Variants in SNX19 observed in about 807,000 individuals in gnomAD.
The protein encoded by SNX19 is sorting nexin 19, also known as sorting nexin-19.
In SNX19, 60 loss-of-function variants were observed where a neutral mutation model predicts 85.2. The observed-to-expected ratio is 0.70, with a 90% CI of 0.57 to 0.87. SNX19 has a LOEUF of 0.87. SNX19 is among the 40% of genes least tolerant of loss of function. The probability of loss-of-function intolerance (pLI) is 0.00; values close to 1 mark genes in which losing one functional copy is unlikely to be tolerated. For synonymous variants in SNX19, 520 were observed against 470.0 expected (o/e 1.11, Z -1.38); for missense variants, 1,201 against 1,217.8 (o/e 0.99, Z 0.21).
At chr11:130,904,283 ATATTAT>A (rs2135384583) in intron 7 of SNX19, among the ~76,000 whole-genome samples, 1 of 152,316 alleles carries the variant, frequency 6.6e-6, no homozygotes, top group African/African-American at 2.4e-5. Flanking sequence ...GCTGTGATTA[ATATTAT>A]AAGTAATATC....
Position 130,872,384 on chromosome 11 carries a change from C to A in SNX19, c.*6038G>T, listed in dbSNP as rs1943059891. The stretch of plus-strand genomic sequence containing the variant: ...GCTTTACACACTGTTGCTACCAAGT[C>A]ACAGAAGGAAAAAGATTCTGATGAT... On this transcript the variant is annotated 3_prime_UTR_variant, in exon 11 of 11. Coordinates refer to ENST00000265909, the MANE Select transcript of SNX19 (RefSeq NM_014758.3). Among the ~76,000 whole-genome samples the A allele has an allele frequency of 6.6e-6, 1 of 152,114 alleles. No homozygotes were observed. The highest frequency in any genetic ancestry group is 1.5e-5 in the Non-Finnish European group (1 of 68,018).
rs1050078 is a variant in SNX19, at chr11:130,876,251, T to C, written c.*2171A>G. 0.33 allele frequency: 50,320 copies of C among 152,106 alleles called. 9,988 individuals are homozygous for C. Among genetic ancestry groups the C allele is most frequent in the Admixed American group, 0.45 (6,854 of 15,274 alleles). 9.4% of individuals were successfully genotyped at this position (152,106 alleles called of 1,614,324 possible). On this transcript the variant is annotated 3_prime_UTR_variant, in exon 11 of 11. Transcript: ENST00000265909. Reference sequence around the variant, plus strand: ...AGTATCTTTTCTACCTGTGGCTCTCTACCAATTGTTACTCTCTTGTTGTCT... The same window carrying C: ...AGTATCTTTTCTACCTGTGGCTCTCCACCAATTGTTACTCTCTTGTTGTCT...
chr11:130,903,165 G>T, intron 8 of SNX19, 90 bp downstream of exon 8: 3 of 1,549,280 alleles, frequency 1.9e-6, no homozygotes, highest in Admixed American at 1.8e-5. Flanking sequence ...CTTCTCTTAC[G>T]GCTGCAGATT....
rs1297427475 is a variant in SNX19 at position 130,911,621 on chromosome 11, G to T, written c.1813+12C>A. 6.2e-7 allele frequency: 1 copy of T among 1,613,974 alleles called. No individual in the cohort carries two copies. The highest frequency in any genetic ancestry group is 1.1e-5 in the South Asian group (1 of 91,046). On this transcript the variant is annotated intron_variant, in intron 2 of 10. Coordinates refer to ENST00000265909, the MANE Select transcript of SNX19 (RefSeq NM_014758.3). ...AAGCAAGCGGGCAGTAGGGGTTGGG[G>T]AAACTCCTGACTTTTGATGAACTTT...
At position 130,914,578 on chromosome 11, in the gene SNX19, C is replaced by T. The variant is rs772488805; in HGVS notation, c.1362G>A (p.Lys454=). The T allele has an allele frequency of 6.2e-7, 1 of 1,613,998 alleles. No individual in the cohort carries two copies. ...CPEIHIDTAD[K]EIEQGDVTAS... ...CGGTAACATCTCCTTGTTCTATCTC[C>T]TTGTCTGCTGTGTCAATATGGATCT... The change falls in exon 1 of 11, where the codon AAG becomes AAA. Residue 454 remains lysine (K), a synonymous_variant. Coordinates refer to ENST00000265909, the MANE Select transcript of SNX19 (RefSeq NM_014758.3).
chr11:130,884,217 T>C (rs958450157), intron 8 of SNX19, among the ~76,000 whole-genome samples: 1 of 152,178 alleles, frequency 6.6e-6, no homozygotes, highest in South Asian at 2.1e-4. Flanking sequence ...CCCCTAATCA[T>C]GCTTGATTTA....
chr11:130,890,599 A>T (rs7937782), intron 8 of SNX19, among the ~76,000 whole-genome samples: 90,928 of 151,942 alleles, frequency 0.6, 27,639 homozygotes, highest in South Asian at 0.73. Context: ...ATATATTCCT[A>T]ATCAATCATA....
At chr11:130,894,096 G>A (rs1471370007) in intron 8 of SNX19, among the ~76,000 whole-genome samples, 1 of 148,932 alleles carries the variant, frequency 6.7e-6, no homozygotes, top group Non-Finnish European at 1.5e-5. Flanking sequence ...TCCTAACATC[G>A]GGGCTATTCA....
rs185363223 is a variant in SNX19 at position 130,884,541 on chromosome 11, C to A, written c.2574-3735G>T. Among the ~76,000 whole-genome samples the A allele has an allele frequency of 4.5e-3, 692 of 152,210 alleles. 7 individuals carry two copies. The highest frequency in any genetic ancestry group is 0.016 in the African/African-American group (654 of 41,512). On this transcript the variant is annotated intron_variant, in intron 8 of 10. Transcript: ENST00000265909. ...GAAATCTAAAGCTTCAAGGTCAACACACACACACGTTTCTCTTACTATTCA... is the reference window on the plus strand; with the variant it reads ...GAAATCTAAAGCTTCAAGGTCAACAAACACACACGTTTCTCTTACTATTCA...
chr11:130,914,939 TC>T lies in SNX19; in HGVS notation c.1000del (p.Glu334LysfsTer3). 1 of 1,614,226 alleles carries T rather than the reference TC, an allele frequency of 6.2e-7. No individual in the cohort carries two copies. Among genetic ancestry groups the T allele is most frequent in the Non-Finnish European group, 8.5e-7 (1 of 1,180,036 alleles). On this transcript the variant is annotated frameshift_variant, in exon 1 of 11. Transcript: ENST00000265909. LOFTEE classifies it high-confidence loss of function. Reference protein sequence around the residue: ...GPSPEVEEGHEAVEGDLGGMC... With the variant: ...GPSPEVEEGHXAVEGDLGGMC... The stretch of plus-strand genomic sequence containing the variant: ...CCCACCCAAATCTCCCTCTACAGCT[TC>T]GTGGCCTTCTTCAACCTCTGGAGAG...
chr11:130,894,312 G>C (rs1944714125), intron 8 of SNX19, among the ~76,000 whole-genome samples: 1 of 152,098 alleles, frequency 6.6e-6, no homozygotes, highest in Non-Finnish European at 1.5e-5. Context: ...TTAACGGGTG[G>C]GATCCACTCA....
At chr11:130,878,845 C>T (rs1167091926) in intron 10 of SNX19, among the ~76,000 whole-genome samples, 6 of 152,096 alleles carry the variant, frequency 3.9e-5, no homozygotes, top group Non-Finnish European at 4.4e-5. Context: ...ATAACAAATC[C>T]TTGAGATGTC....
chr11:130,909,449 A>G (rs1945919632), intron 4 of SNX19, among the ~76,000 whole-genome samples: 1 of 152,336 alleles, frequency 6.6e-6, no homozygotes, highest in Admixed American at 6.5e-5. Flanking sequence ...TCTGCCCCAG[A>G]GATGCTCATA....
At position 130,868,366 on chromosome 11, in the gene SNX19, C is replaced by T. The variant is rs1942864484; in HGVS notation, c.*10056G>A. 1.3e-5 allele frequency: 2 copies of T among 152,170 alleles called. No homozygotes were observed. Among genetic ancestry groups the T allele is most frequent in the Admixed American group, 1.3e-4 (2 of 15,278 alleles). 9.4% of individuals were successfully genotyped at this position (152,170 alleles called of 1,614,324 possible). A position where few individuals can be genotyped will look rare whatever the true frequency, so the allele number is the denominator to read the frequency against. On this transcript the variant is annotated 3_prime_UTR_variant, in exon 11 of 11. Coordinates refer to ENST00000265909, the MANE Select transcript of SNX19 (RefSeq NM_014758.3). ...TGTTAGTGGAAAAAAAAGCAACACC[C>T]TTCTTGAGCCCGTAATTTATCAGAT...
chr11:130,872,942 G>A lies in SNX19; in HGVS notation c.*5480C>T, dbSNP rs1239570846. Among the ~76,000 whole-genome samples the A allele has an allele frequency of 6.6e-6, 1 of 152,148 alleles. No individual in the cohort carries two copies. Among genetic ancestry groups the A allele is most frequent in the Non-Finnish European group, 1.5e-5 (1 of 68,030 alleles). On this transcript the variant is annotated 3_prime_UTR_variant, in exon 11 of 11. Coordinates refer to ENST00000265909, the MANE Select transcript of SNX19 (RefSeq NM_014758.3). Reference sequence around the variant, plus strand: ...GGGCTGTGGGAGGTACGGCTTGCCAGGACAACTTGGCTGAATGGGTTCCTG... The same window carrying A: ...GGGCTGTGGGAGGTACGGCTTGCCAAGACAACTTGGCTGAATGGGTTCCTG...
rs1565491952 is a variant in SNX19, at chr11:130,870,252, A to T, written c.*8170T>A. 1 of 152,298 alleles carries T rather than the reference A, an allele frequency of 6.6e-6. No individual in the cohort carries two copies. Among genetic ancestry groups the T allele is most frequent in the Non-Finnish European group, 1.5e-5 (1 of 68,030 alleles). The allele number at this position is 152,298 out of a possible 1,614,324, so 9.4% of individuals were successfully genotyped here. A position where few individuals can be genotyped will look rare whatever the true frequency, so the allele number is the denominator to read the frequency against. ...CAGTCCTCTCCAGATTGCTAAAAGGAGGTGTATAACCCTGCTCTTCAGCAG... is the reference window on the plus strand; with the variant it reads ...CAGTCCTCTCCAGATTGCTAAAAGGTGGTGTATAACCCTGCTCTTCAGCAG... On this transcript the variant is annotated 3_prime_UTR_variant, in exon 11 of 11. Coordinates refer to ENST00000265909, the MANE Select transcript of SNX19 (RefSeq NM_014758.3).
Position 130,880,774 on chromosome 11 carries a change from C to A in SNX19, c.2606G>T (p.Ser869Ile), listed in dbSNP as rs1943605757. The change falls in exon 9 of 11, where the codon AGT (serine) becomes ATT (isoleucine). Residue 869 changes from serine to isoleucine, a missense_variant. Coordinates refer to ENST00000265909, the MANE Select transcript of SNX19 (RefSeq NM_014758.3). ...GAGGTACTGCACCCAGCGCTGTGGA[C>A]TTGTTAAATTAGCTACCTGCACCTC... The part of the protein sequence containing the change: ...WLEVQVANLT[S>I]PQRWVQYLLL... The A allele has an allele frequency of 5.7e-6, 9 of 1,577,122 alleles. No individual in the cohort carries two copies. The highest frequency in any genetic ancestry group is 1.3e-5 in the African/African-American group (1 of 74,622).
rs577527632 is a variant in SNX19, at chr11:130,883,892, C to T, written c.2574-3086G>A. ...AAAATCACCACCACAACTGCCACTG[C>T]CCTCACACAATACAATCTCTAAATT... On this transcript the variant is annotated intron_variant, in intron 8 of 10. Transcript: ENST00000265909. Among the ~76,000 whole-genome samples, 12 of 152,280 alleles carry T rather than the reference C, an allele frequency of 7.9e-5. No individual in the cohort carries two copies. In the South Asian group the frequency reaches 2.5e-3, roughly 32 times the overall value.
intron 8 of SNX19, among the ~76,000 whole-genome samples, chr11:130,898,675 T>C: frequency 6.6e-6 from 1 of 152,188 alleles, no homozygotes; most frequent in Non-Finnish European, 1.5e-5. Context: ...TCCAGCATAT[T>C]GGCTTACCAA....
Sources: allele counts gnomAD v4.1 joint callset (sites outside exome capture counted in the v4.1 genomes callset), GRCh38; gene constraint gnomAD v4.1.1; transcripts MANE v1.5; gene names NCBI Gene and HGNC (gene_info 2026-07-23, HGNC 2026-07-21).